The following EPB41 variants were observed in gnomAD, a reference collection of about 807,000 sequenced individuals.
EPB41 encodes erythrocyte membrane protein band 4.1, also known as protein 4.1.
Under a neutral mutation model 108.0 loss-of-function variants are expected in EPB41, and 65 were observed. That is an observed-to-expected ratio of 0.60 (90% confidence interval 0.49 to 0.74). The LOEUF (loss-of-function observed/expected upper bound fraction) is 0.74. EPB41 is among the 30% of genes least tolerant of loss of function. The pLI, the probability that EPB41 is intolerant of heterozygous loss-of-function variation, is 0.00. For missense variants in EPB41, 875 were observed against 1,037.0 expected, an observed-to-expected ratio of 0.84 and a Z score of 2.15; for synonymous variants, 336 against 358.9, an observed-to-expected ratio of 0.94 and a Z score of 0.72.
intron 10 of EPB41, among the ~76,000 whole-genome samples, chr1:29,037,537 A>G (rs1349885607): frequency 2.0e-5 from 3 of 151,882 alleles, no homozygotes; most frequent in Non-Finnish European, 4.4e-5. Flanking sequence ...CAGACCTTAG[A>G]CAAGTAATTA....
At chr1:28,998,743 T>C (rs2149708235) in intron 4 of EPB41, among the ~76,000 whole-genome samples, 1 of 152,208 alleles carries the variant, frequency 6.6e-6, no homozygotes, top group East Asian at 1.9e-4. Flanking sequence ...TAGCTTGTAC[T>C]AGTAAATATA....
At chr1:29,064,187 A>C (rs539236510) in intron 15 of EPB41, among the ~76,000 whole-genome samples, 1 of 152,312 alleles carries the variant, frequency 6.6e-6, no homozygotes, top group South Asian at 2.1e-4. Context: ...AATCCTTTGA[A>C]GGTTATTGCA....
intron 1 of EPB41, among the ~76,000 whole-genome samples, chr1:28,959,962 G>A (rs555446767): frequency 4.0e-5 from 6 of 150,292 alleles, no homozygotes; most frequent in Non-Finnish European, 7.4e-5. Flanking sequence ...GATTACAGGC[G>A]TGAGCCCCTT....
chr1:28,964,928 A>G (rs1571524918), intron 1 of EPB41, among the ~76,000 whole-genome samples: 3 of 152,284 alleles, frequency 2.0e-5, no homozygotes, highest in East Asian at 1.9e-4. Context: ...CTCAGATTGT[A>G]TATCAAAGGC....
At chr1:29,096,601 C>T in intron 16 of EPB41, 4 of 985,338 alleles carry the variant, frequency 4.1e-6, no homozygotes, top group Non-Finnish European at 4.8e-6. Context: ...TTCGAAGTTT[C>T]CAGGTAGTAA....
intron 5 of EPB41, among the ~76,000 whole-genome samples, chr1:29,014,686 C>T (rs1475636943): frequency 6.6e-6 from 1 of 152,184 alleles, no homozygotes; most frequent in Admixed American, 6.5e-5. Context: ...CCTTCTCAGT[C>T]TTCAAAGTAC....
chr1:28,908,238 C>T (rs1047577006), intron 1 of EPB41, among the ~76,000 whole-genome samples: 2 of 151,384 alleles, frequency 1.3e-5, no homozygotes, highest in South Asian at 2.1e-4. Context: ...CCCGTCTCTA[C>T]GAAACACATG....
chr1:28,888,872 C>T (rs2089778308), intron 1 of EPB41, among the ~76,000 whole-genome samples: 1 of 152,214 alleles, frequency 6.6e-6, no homozygotes, highest in Admixed American at 6.5e-5. Flanking sequence ...CGTGATCCAC[C>T]CACCTCGGCC....
In EPB41 at chr1:29,018,395, G is replaced by T; in HGVS notation, c.1077G>T (p.Gln359His). The T allele has an allele frequency of 6.2e-7, 1 of 1,614,146 alleles. No individual in the cohort carries two copies. Among genetic ancestry groups the T allele is most frequent in the South Asian group, 1.1e-5 (1 of 91,076 alleles). Residue 359 changes from glutamine to histidine, a missense_variant, in exon 7 of 21, where the codon CAG (glutamine) becomes CAT (histidine). Gln to His is a conservative substitution (Grantham distance 24). This residue lies in a region of EPB41 where 519 missense variants were observed against 627.3 expected (regional missense o/e 0.83). Coordinates refer to ENST00000343067, the MANE Select transcript of EPB41 (RefSeq NM_001376013.1). This position sits in a 1 kb window ranked among gnomAD's most constrained non-coding sequence, Gnocchi z 4.4. ...GTGATTTTAAACTGGCCCCGAATCAGACCAAGGAACTTGAAGAGAAGGTCA... is the reference window on the plus strand; with the variant it reads ...GTGATTTTAAACTGGCCCCGAATCATACCAAGGAACTTGAAGAGAAGGTCA... ...YVSDFKLAPN[Q>H]TKELEEKVME...
chr1:28,946,788 A>T (rs558520637), intron 1 of EPB41, among the ~76,000 whole-genome samples: 38 of 152,320 alleles, frequency 2.5e-4, no homozygotes, highest in African/African-American at 8.9e-4. Flanking sequence ...TAAATATCAA[A>T]GGGCTGCCCT....
intron 5 of EPB41, 26 bp downstream of exon 5, chr1:29,011,933 GTTCT>G: frequency 1.9e-6 from 3 of 1,613,222 alleles, no homozygotes; most frequent in African/African-American, 1.3e-5. Flanking sequence ...TCTTTTTATA[GTTCT>G]TTCTTTCTTT....
chr1:28,909,218 G>A (rs1473289892), intron 1 of EPB41, among the ~76,000 whole-genome samples: 1 of 150,388 alleles, frequency 6.6e-6, no homozygotes, highest in African/African-American at 2.4e-5. Context: ...AAAAGCGTTA[G>A]GTTGAGACAT....
chr1:29,094,457 G>A (rs985439487), intron 16 of EPB41, among the ~76,000 whole-genome samples: 6 of 151,814 alleles, frequency 4.0e-5, no homozygotes, highest in African/African-American at 1.5e-4. Flanking sequence ...TTGTATTTTT[G>A]TAGAGGCAAG....
chr1:29,034,320 A>G (rs1558094450), intron 9 of EPB41, among the ~76,000 whole-genome samples: 1 of 152,210 alleles, frequency 6.6e-6, no homozygotes, highest in Non-Finnish European at 1.5e-5. Flanking sequence ...GTTAATATGA[A>G]AATGGGAAAT....
intron 17 of EPB41, among the ~76,000 whole-genome samples, chr1:29,103,154 C>T (rs566947768): frequency 1.3e-5 from 2 of 152,236 alleles, no homozygotes; most frequent in South Asian, 4.1e-4. Context: ...AGTAGTCAGC[C>T]CGCCTCGACC....
rs186152195 is a variant in EPB41, at chr1:28,996,457, G to C, written c.682-758G>C. Among the ~76,000 whole-genome samples the C allele has an allele frequency of 9.2e-5, 14 of 152,314 alleles. No homozygotes were observed. In the East Asian group the frequency reaches 1.9e-3, roughly 21 times the overall value. On this transcript the variant is annotated intron_variant, in intron 3 of 20. Coordinates refer to ENST00000343067, the MANE Select transcript of EPB41 (RefSeq NM_001376013.1). Reference sequence around the variant, plus strand: ...TCTTTGGGACATTTGGTCTGAAAATGATAGAGTCTAATGATTTCCACAGCC... The same window carrying C: ...TCTTTGGGACATTTGGTCTGAAAATCATAGAGTCTAATGATTTCCACAGCC...
chr1:28,889,866 A>C, intron 1 of EPB41: 1 of 984,376 alleles, frequency 1.0e-6, no homozygotes, highest in South Asian at 4.7e-5. Flanking sequence ...CACAGACCTG[A>C]ACAGGATACT....
rs184219517 is a variant in EPB41 at position 29,077,835 on chromosome 1, A to C, written c.2184+12677A>C. On this transcript the variant is annotated intron_variant, in intron 16 of 20. Coordinates refer to ENST00000343067, the MANE Select transcript of EPB41 (RefSeq NM_001376013.1). The stretch of plus-strand genomic sequence containing the variant: ...CTTTATTTATGGACACTGAAATTTA[A>C]ATTTTGTATAATTTTACATATTACT... Among the ~76,000 whole-genome samples the C allele has an allele frequency of 1.1e-3, 170 of 152,342 alleles. 1 individual carries two copies. The highest frequency in any genetic ancestry group is 3.7e-3 in the African/African-American group (152 of 41,590).
chr1:29,045,754 C>G (rs1047082650), intron 11 of EPB41, among the ~76,000 whole-genome samples: 1 of 143,522 alleles, frequency 7.0e-6, no homozygotes, highest in African/African-American at 2.6e-5. Context: ...GGGAGGATCG[C>G]TTGAGTCTGA....
Sources: gnomAD v4.1 joint callset for allele counts (sites outside exome capture counted in the v4.1 genomes callset) on GRCh38, gnomAD v4.1.1 for gene constraint, gnomAD v4.1.1 regional missense constraint, Gnocchi (gnomAD v3.1) non-coding constraint, MANE v1.5 for transcripts, NCBI Gene and HGNC (gene_info 2026-07-23, HGNC 2026-07-21) for gene names.